NBAS: variants seen among roughly 807,000 people sequenced by gnomAD.
NBAS encodes NBAS subunit of NRZ tethering complex.
A neutral mutation model predicts 302.5 loss-of-function variants in NBAS; 219 were observed. The observed-to-expected ratio is 0.72, with a 90% CI of 0.65 to 0.81. The LOEUF (loss-of-function observed/expected upper bound fraction) is 0.81. NBAS is among the 30% of genes least tolerant of loss of function. The pLI, the probability that NBAS is intolerant of heterozygous loss-of-function variation, is 0.00. For synonymous variants in NBAS, 1,118 were observed against 1,021.6 expected (o/e 1.09, Z -1.80); for missense variants, 2,932 against 2,841.6 (o/e 1.03, Z -0.72).
chr2:14,985,002 G>A, the NBAS span, among the ~76,000 whole-genome samples: 7 of 152,062 alleles, frequency 4.6e-5, no homozygotes, highest in Non-Finnish European at 8.8e-5. Flanking sequence ...TCAGGATGGC[G>A]GCCCAAGTTC....
the NBAS span, among the ~76,000 whole-genome samples, chr2:15,157,329 C>G: frequency 6.6e-6 from 1 of 152,148 alleles, no homozygotes; most frequent in Admixed American, 6.5e-5. Context: ...GAAGCTTCTA[C>G]CCATTGAATG....
intron 10 of NBAS, 78 bp from the exon 11 acceptor site, chr2:15,504,291 G>T: frequency 1.8e-6 from 2 of 1,121,810 alleles, no homozygotes. Context: ...ATAATGAAAT[G>T]AAAACTATAG....
chr2:15,094,413 T>C, the NBAS span, among the ~76,000 whole-genome samples: 1 of 152,350 alleles, frequency 6.6e-6, no homozygotes, highest in South Asian at 2.1e-4. Context: ...TGTTCCCATA[T>C]AGGTACAATC....
At chr2:15,061,868 C>T in the NBAS span, among the ~76,000 whole-genome samples, 1 of 152,160 alleles carries the variant, frequency 6.6e-6, no homozygotes, top group Admixed American at 6.5e-5. Flanking sequence ...GATAAGCAAA[C>T]CTTAAAGCAA....
chr2:15,490,623 C>T (rs1355764034), intron 11 of NBAS, among the ~76,000 whole-genome samples: 2 of 152,180 alleles, frequency 1.3e-5, no homozygotes, highest in African/African-American at 4.8e-5. Flanking sequence ...GCCAAAAGAA[C>T]TCTGCCCATC....
At chr2:15,219,118 G>T in intron 47 of NBAS, 150 bp from the exon 48 acceptor site, 1 of 757,402 alleles carries the variant, frequency 1.3e-6, no homozygotes, top group Non-Finnish European at 2.2e-6. Flanking sequence ...TTTTTAAATG[G>T]CTTACAGCGA....
At chr2:15,394,112 A>T in intron 28 of NBAS, 115 bp downstream of exon 28, 1 of 1,125,996 alleles carries the variant, frequency 8.9e-7, no homozygotes, top group Non-Finnish European at 1.2e-6. Flanking sequence ...CTTACACTTT[A>T]AATATGTGCA....
intron 47 of NBAS, among the ~76,000 whole-genome samples, chr2:15,223,533 T>G (rs1184910301): frequency 2.0e-5 from 3 of 152,152 alleles, no homozygotes; most frequent in Non-Finnish European, 4.4e-5. Context: ...TCAAAACTTA[T>G]TTACTTCATT....
At position 15,379,777 on chromosome 2, in the gene NBAS, C is replaced by T; in HGVS notation, c.3415G>A (p.Gly1139Arg). Residue 1139 changes from glycine to arginine, a missense_variant, in exon 30 of 52, where the codon GGA becomes AGA. Gly to Arg is a moderately radical substitution (Grantham distance 125). Transcript: ENST00000281513. ...CAAGCACTGCAGTGCATCATCTGTC[C>T]AGCCAGGTGGATGTTTTCAAGGCGA... is the stretch of plus-strand genomic sequence containing the variant. The part of the protein sequence containing the change: ...SSRLENIHLA[G>R]QMMHCSACSE... The T allele has an allele frequency of 1.9e-6, 3 of 1,614,068 alleles. No homozygotes were observed. The highest frequency in any genetic ancestry group is 2.5e-6 in the Non-Finnish European group (3 of 1,180,000).
At chr2:15,139,410 G>T in the NBAS span, among the ~76,000 whole-genome samples, 5 of 152,034 alleles carry the variant, frequency 3.3e-5, no homozygotes, top group African/African-American at 1.2e-4. Context: ...TTCAATTGCT[G>T]TTTAAGTGTG....
the NBAS span, among the ~76,000 whole-genome samples, chr2:14,878,049 A>G: frequency 1.3e-5 from 2 of 152,120 alleles, no homozygotes; most frequent in Non-Finnish European, 2.9e-5. Context: ...CCAGTTCACC[A>G]TGGGTAAAAG....
At chr2:15,269,652 C>T (rs967297098) in intron 44 of NBAS, among the ~76,000 whole-genome samples, 1 of 152,154 alleles carries the variant, frequency 6.6e-6, no homozygotes, top group Non-Finnish European at 1.5e-5. Flanking sequence ...TTCTCTGATG[C>T]AATCTATCAA....
the NBAS span, among the ~76,000 whole-genome samples, chr2:14,879,064 A>C: frequency 1.3e-5 from 2 of 152,180 alleles, no homozygotes; most frequent in Admixed American, 1.3e-4. Context: ...TACTATGTAG[A>C]CTTTTTAGAT....
intron 50 of NBAS, 69 bp downstream of exon 50, chr2:15,186,673 T>G: frequency 1.2e-6 from 2 of 1,606,846 alleles, no homozygotes; most frequent in Non-Finnish European, 1.7e-6. Context: ...GTCTCTGGGA[T>G]TGCTTACAAT....
the NBAS span, among the ~76,000 whole-genome samples, chr2:14,982,383 G>C: frequency 6.6e-6 from 1 of 152,168 alleles, no homozygotes; most frequent in Admixed American, 6.5e-5. Context: ...CAAGTTTTAG[G>C]GTGATTTGTT....
intron 10 of NBAS, among the ~76,000 whole-genome samples, chr2:15,507,319 T>C (rs930240011): frequency 1.5e-4 from 15 of 99,300 alleles, no homozygotes; most frequent in Admixed American, 4.0e-4. Context: ...TGATTACTTC[T>C]ATTTTTTTCA....
At chr2:15,293,094 T>A (rs1411099120) in intron 40 of NBAS, among the ~76,000 whole-genome samples, 1 of 152,238 alleles carries the variant, frequency 6.6e-6, no homozygotes, top group African/African-American at 2.4e-5. Flanking sequence ...ATCAGATTTG[T>A]CTGCCAACCA....
At chr2:14,912,008 G>A in the NBAS span, among the ~76,000 whole-genome samples, 14 of 152,288 alleles carry the variant, frequency 9.2e-5, no homozygotes, top group African/African-American at 3.4e-4. Context: ...AAGCCTAGGT[G>A]GTGCAGCTTA....
At chr2:15,237,246 G>A (rs1667635591) in intron 45 of NBAS, among the ~76,000 whole-genome samples, 1 of 151,730 alleles carries the variant, frequency 6.6e-6, no homozygotes, top group Admixed American at 6.6e-5. Context: ...TTAAAATATA[G>A]AACAAAATCT....
Sources: gnomAD v4.1 joint callset for allele counts (sites outside exome capture counted in the v4.1 genomes callset) on GRCh38, gnomAD v4.1.1 for gene constraint, MANE v1.5 for transcripts, NCBI Gene and HGNC (gene_info 2026-07-23, HGNC 2026-07-21) for gene names.